DCTN5: variants seen among roughly 807,000 people sequenced by gnomAD.
The protein encoded by DCTN5 is dynactin 4.
Under a neutral mutation model 23.5 loss-of-function variants are expected in DCTN5, and 14 were observed. The ratio of observed to expected loss-of-function variants is 0.60; its 90% CI spans 0.39 to 0.93. DCTN5 has a LOEUF of 0.93. Ranked by LOEUF, DCTN5 falls within the 40% of genes least tolerant of loss-of-function variation. DCTN5 has a pLI of 0.00. For synonymous variants in DCTN5, 67 were observed against 79.6 expected (o/e 0.84, Z 0.84); for missense variants, 156 against 225.9 (o/e 0.69, Z 1.98).
At position 23,676,973 on chromosome 16, in the gene DCTN5, G is replaced by A. The variant is rs1026836204; in HGVS notation, c.*9829G>A. The A allele has an allele frequency of 2.6e-5, 4 of 152,260 alleles. No homozygotes were observed. The highest frequency in any genetic ancestry group is 1.3e-4 in the Admixed American group (2 of 15,286). 9.4% of individuals were successfully genotyped at this position (152,260 alleles called of 1,614,324 possible). A position where few individuals can be genotyped will look rare whatever the true frequency, so the allele number is the denominator to read the frequency against. On this transcript the variant is annotated 3_prime_UTR_variant, in exon 6 of 6. Coordinates refer to ENST00000300087, the MANE Select transcript of DCTN5 (RefSeq NM_032486.4). ...TTTTCATATGTGTTAGGCAGAGGAT[G>A]AGGTGAGCAGCTCCCAATGAGAACC... is the stretch of plus-strand genomic sequence containing the variant.
intron 4 of DCTN5, among the ~76,000 whole-genome samples, chr16:23,664,411 C>T (rs551072313): frequency 6.6e-6 from 1 of 152,312 alleles, no homozygotes; most frequent in Admixed American, 6.5e-5. Context: ...AAAATTTAAA[C>T]ACAAGCAAAT....
intron 2 of DCTN5, among the ~76,000 whole-genome samples, chr16:23,654,310 G>A (rs1018187069): frequency 6.6e-6 from 1 of 152,190 alleles, no homozygotes; most frequent in Non-Finnish European, 1.5e-5. Context: ...TAAAGAAAAT[G>A]TGGTACAGGT....
At position 23,667,710 on chromosome 16, in the gene DCTN5, G is replaced by A. The variant is rs1272950379; in HGVS notation, c.*566G>A. 6.5e-6 allele frequency: 1 copy of A among 153,540 alleles called. No individual in the cohort carries two copies. The highest frequency in any genetic ancestry group is 1.5e-5 in the Non-Finnish European group (1 of 68,946). 9.5% of individuals were successfully genotyped at this position (153,540 alleles called of 1,614,324 possible). A position where few individuals can be genotyped will look rare whatever the true frequency, so the allele number is the denominator to read the frequency against. On this transcript the variant is annotated 3_prime_UTR_variant, in exon 6 of 6. Coordinates refer to ENST00000300087, the MANE Select transcript of DCTN5 (RefSeq NM_032486.4). ...AAACTTGAAGGGAGGGGTGAATAGT[G>A]TTTCTCTCTTCTTCCCAAAATGACC...
rs1959234529 is a variant in DCTN5, at chr16:23,677,244, T to C, written c.*10100T>C. 1 of 152,180 alleles carries C rather than the reference T, an allele frequency of 6.6e-6. No individual in the cohort carries two copies. The highest frequency in any genetic ancestry group is 2.4e-5 in the African/African-American group (1 of 41,424). The allele number at this position is 152,180 out of a possible 1,614,324, so 9.4% of individuals were successfully genotyped here. ...CAGGCTGAGTCTGTGAATCTCCTAG[T>C]ACATCATCAGACTAGGAGGTGGTGG... On this transcript the variant is annotated 3_prime_UTR_variant, in exon 6 of 6. Coordinates refer to ENST00000300087, the MANE Select transcript of DCTN5 (RefSeq NM_032486.4).
Position 23,649,399 on chromosome 16 carries a change from T to C in DCTN5, c.117+6376T>C, listed in dbSNP as rs528751708. Among the ~76,000 whole-genome samples the C allele has an allele frequency of 3.9e-5, 6 of 152,338 alleles. No individual in the cohort carries two copies. In the South Asian group the frequency reaches 1.0e-3, roughly 26 times the overall value. Reference sequence around the variant, plus strand: ...CCTATGCTGTGCAGGATCATTTTAGTTTGATATAATCCCATTTGTTTATTT... The same window carrying C: ...CCTATGCTGTGCAGGATCATTTTAGCTTGATATAATCCCATTTGTTTATTT... On this transcript the variant is annotated intron_variant, in intron 2 of 5. Coordinates refer to ENST00000300087, the MANE Select transcript of DCTN5 (RefSeq NM_032486.4).
chr16:23,657,732 G>A (rs1351660142), intron 2 of DCTN5: 4 of 183,756 alleles, frequency 2.2e-5, no homozygotes, highest in Non-Finnish European at 3.5e-5. Flanking sequence ...GTAAGCTACC[G>A]CACCTGGCCA....
intron 2 of DCTN5, among the ~76,000 whole-genome samples, chr16:23,644,862 C>T (rs1967391253): frequency 6.7e-6 from 1 of 148,708 alleles, no homozygotes; most frequent in Non-Finnish European, 1.5e-5. Flanking sequence ...GTCGCCACAA[C>T]CTCCGCCTCT....
chr16:23,664,202 A>C (rs1192216897), intron 4 of DCTN5, among the ~76,000 whole-genome samples: 1 of 152,244 alleles, frequency 6.6e-6, no homozygotes, highest in Admixed American at 6.5e-5. Flanking sequence ...GGAAGAACGA[A>C]GAACTATAGT....
chr16:23,647,493 T>C (rs1045121730), intron 2 of DCTN5, among the ~76,000 whole-genome samples: 1 of 150,278 alleles, frequency 6.7e-6, no homozygotes, highest in Non-Finnish European at 1.5e-5. Context: ...GAGGGCTGTT[T>C]GCTTTTTTTT....
chr16:23,661,354 C>A (rs1431068426), intron 4 of DCTN5, 73 bp downstream of exon 4: 5 of 1,090,678 alleles, frequency 4.6e-6, no homozygotes, highest in Non-Finnish European at 4.2e-6. Flanking sequence ...TCGGTGGGAC[C>A]CTGTTTCTGT....
At position 23,671,222 on chromosome 16, in the gene DCTN5, G is replaced by A. The variant is rs1050495829; in HGVS notation, c.*4078G>A. ...ATCCATAAAATGGGGAAGTTGGATAGGGTATTATGATGATTGAAATGCATT... is the reference window on the plus strand; with the variant it reads ...ATCCATAAAATGGGGAAGTTGGATAAGGTATTATGATGATTGAAATGCATT... On this transcript the variant is annotated 3_prime_UTR_variant, in exon 6 of 6. Transcript: ENST00000300087. 2.6e-5 allele frequency: 4 copies of A among 152,152 alleles called. No homozygotes were observed. The highest frequency in any genetic ancestry group is 9.7e-5 in the African/African-American group (4 of 41,416). The allele number at this position is 152,152 out of a possible 1,614,324, so 9.4% of individuals were successfully genotyped here.
chr16:23,641,961 A>T (rs1967282565), intron 1 of DCTN5, among the ~76,000 whole-genome samples: 1 of 151,778 alleles, frequency 6.6e-6, no homozygotes, highest in South Asian at 2.1e-4. Context: ...TGGGGGGCGG[A>T]GACTCTGTCG....
At position 23,671,303 on chromosome 16, in the gene DCTN5, T is replaced by G. The variant is rs556407281; in HGVS notation, c.*4159T>G. ...GGTGAGCACTCAATAAACGGCAGTT[T>G]ATTAGGCACTTTTATTAGGAAGTGA... On this transcript the variant is annotated 3_prime_UTR_variant, in exon 6 of 6. Transcript: ENST00000300087. The G allele has an allele frequency of 1.3e-5, 1 of 75,950 alleles. No homozygotes were observed. The highest frequency in any genetic ancestry group is 4.4e-4 in the South Asian group (1 of 2,280). 4.7% of individuals were successfully genotyped at this position (75,950 alleles called of 1,614,324 possible). A position where few individuals can be genotyped will look rare whatever the true frequency, so the allele number is the denominator to read the frequency against.
At position 23,641,517 on chromosome 16, in the gene DCTN5, G is replaced by C. The variant is rs370549962; in HGVS notation, c.-26G>C. 8.7e-6 allele frequency: 14 copies of C among 1,613,976 alleles called. No homozygotes were observed. The highest frequency in any genetic ancestry group is 1.1e-5 in the Non-Finnish European group (13 of 1,179,912). On this transcript the variant is annotated 5_prime_UTR_variant, in exon 1 of 6. Coordinates refer to ENST00000300087, the MANE Select transcript of DCTN5 (RefSeq NM_032486.4). Reference sequence around the variant, plus strand: ...TGACCGACTGACTCTGACAGGATCCGGGGCTGAGGGAAGGAGGCGGCGGCC... The same window carrying C: ...TGACCGACTGACTCTGACAGGATCCCGGGCTGAGGGAAGGAGGCGGCGGCC...
chr16:23,649,837 CAAA>C (rs1175500177), intron 2 of DCTN5, among the ~76,000 whole-genome samples: 16 of 55,970 alleles, frequency 2.9e-4, no homozygotes, highest in Admixed American at 1.6e-3. Context: ...GACTCTGTCT[CAAA>C]AAAAAAAAAA....
intron 2 of DCTN5, among the ~76,000 whole-genome samples, chr16:23,656,251 GTATCACTGT>G (rs1166819533): frequency 3.3e-5 from 5 of 152,050 alleles, no homozygotes; most frequent in Non-Finnish European, 7.4e-5. Context: ...AATGAGTAGA[GTATCACTGT>G]TATCATGTTA....
At chr16:23,665,531 C>A in intron 4 of DCTN5, 95 bp from the exon 5 acceptor site, 1 of 1,190,298 alleles carries the variant, frequency 8.4e-7, no homozygotes, top group East Asian at 2.4e-5. Context: ...GTCACCGTCC[C>A]TGGCTATTAC....
At chr16:23,648,344 C>CTTTTTTTTTTT (rs960786045) in intron 2 of DCTN5, among the ~76,000 whole-genome samples, 1 of 105,522 alleles carries the variant, frequency 9.5e-6, no homozygotes, top group Non-Finnish European at 2.0e-5. Context: ...TTTCTTTTTT[C>CTTTTTTTTTTT]TTTTTTTTTT....
intron 2 of DCTN5, among the ~76,000 whole-genome samples, chr16:23,645,160 G>T (rs1411362141): frequency 6.8e-5 from 5 of 73,072 alleles, no homozygotes; most frequent in South Asian, 4.5e-4. Flanking sequence ...TTAATACGCA[G>T]TTTTGCTCTT....
Sources: allele counts gnomAD v4.1 joint callset (sites outside exome capture counted in the v4.1 genomes callset), GRCh38; gene constraint gnomAD v4.1.1; transcripts MANE v1.5; gene names NCBI Gene and HGNC (gene_info 2026-07-23, HGNC 2026-07-21).